AGBL4: variants seen among roughly 807,000 people sequenced by gnomAD.
AGBL4 encodes cytosolic carboxypeptidase 6.
In AGBL4, 58 loss-of-function variants were observed where a neutral mutation model predicts 66.4. The observed-to-expected ratio is 0.87, with a 90% CI of 0.71 to 1.09. The LOEUF is 1.09. Among genes scored for constraint, AGBL4 ranks in the 50% least tolerant of loss-of-function variants. The probability of loss-of-function intolerance (pLI) is 0.00; values close to 1 mark genes in which losing one functional copy is unlikely to be tolerated. For missense variants in AGBL4, 579 were observed against 631.0 expected (o/e 0.92, Z 0.88); for synonymous variants, 234 against 222.9 (o/e 1.05, Z -0.44).
intron 6 of AGBL4, among the ~76,000 whole-genome samples, chr1:48,799,276 C>G (rs1645758204): frequency 6.6e-6 from 1 of 152,058 alleles, no homozygotes; most frequent in South Asian, 2.1e-4. Context: ...GGGTTGAGTT[C>G]TTTATGTGAT....
At chr1:48,578,390 GA>G (rs568644825) in intron 11 of AGBL4, among the ~76,000 whole-genome samples, 1 of 152,084 alleles carries the variant, frequency 6.6e-6, no homozygotes, top group Non-Finnish European at 1.5e-5. Flanking sequence ...GTAGGGAGGA[GA>G]AAAAAATCAA....
intron 1 of AGBL4, among the ~76,000 whole-genome samples, chr1:49,979,722 T>A (rs1337993780): frequency 2.6e-5 from 4 of 152,180 alleles, no homozygotes; most frequent in Admixed American, 2.6e-4. Context: ...TAAAGCATAT[T>A]GCATTAAAAA....
chr1:48,888,004 C>G (rs1459416529), intron 5 of AGBL4, among the ~76,000 whole-genome samples: 1 of 152,064 alleles, frequency 6.6e-6, no homozygotes. Flanking sequence ...TAATTGGAAG[C>G]CAAAGCCAAA....
chr1:49,881,641 T>G (rs1421136262), intron 1 of AGBL4, among the ~76,000 whole-genome samples: 2 of 151,112 alleles, frequency 1.3e-5, no homozygotes, highest in Admixed American at 6.6e-5. Context: ...TGGCCAGTGA[T>G]GATGAGCATT....
chr1:48,638,308 T>G (rs1645700220), intron 8 of AGBL4, among the ~76,000 whole-genome samples: 1 of 152,252 alleles, frequency 6.6e-6, no homozygotes, highest in South Asian at 2.1e-4. Flanking sequence ...CTTACAGTTA[T>G]GTTTAAGTTC....
chr1:49,376,791 A>G (rs1265993119), intron 3 of AGBL4, among the ~76,000 whole-genome samples: 1 of 152,038 alleles, frequency 6.6e-6, no homozygotes. Context: ...CCAGATCCCT[A>G]CTTGTATTGT....
intron 4 of AGBL4, among the ~76,000 whole-genome samples, chr1:49,195,818 A>AATCTC (rs1358753945): frequency 2.0e-5 from 3 of 152,068 alleles, no homozygotes; most frequent in Non-Finnish European, 4.4e-5. Context: ...TCCCCACCCA[A>AATCTC]ATCTCATCTT....
chr1:48,884,117 G>A (rs891573304), intron 5 of AGBL4, among the ~76,000 whole-genome samples: 1 of 152,106 alleles, frequency 6.6e-6, no homozygotes, highest in Non-Finnish European at 1.5e-5. Flanking sequence ...TCTGGCTCTA[G>A]CTTTTCAGCA....
chr1:49,567,497 T>A (rs2148865410), intron 3 of AGBL4, among the ~76,000 whole-genome samples: 1 of 152,370 alleles, frequency 6.6e-6, no homozygotes, highest in Non-Finnish European at 1.5e-5. Context: ...ATCAAAATAC[T>A]GTTAAATTTT....
chr1:48,559,478 A>G (rs1253552235), intron 11 of AGBL4, among the ~76,000 whole-genome samples: 1 of 152,210 alleles, frequency 6.6e-6, no homozygotes, highest in African/African-American at 2.4e-5. Context: ...CTTTGGAATC[A>G]CAAAGATCCC....
At chr1:49,470,167 A>G (rs1177804988) in intron 3 of AGBL4, among the ~76,000 whole-genome samples, 1 of 151,982 alleles carries the variant, frequency 6.6e-6, no homozygotes, top group Non-Finnish European at 1.5e-5. Context: ...CAGATGAAAC[A>G]CTTTTCCAGA....
intron 2 of AGBL4, among the ~76,000 whole-genome samples, chr1:49,775,490 T>C (rs888148563): frequency 1.3e-5 from 2 of 152,124 alleles, no homozygotes; most frequent in Non-Finnish European, 2.9e-5. Context: ...TATCTGAGTA[T>C]GGGTATGGGG....
At chr1:49,568,527 G>T (rs1184658835) in intron 3 of AGBL4, among the ~76,000 whole-genome samples, 1 of 49,104 alleles carries the variant, frequency 2.0e-5, no homozygotes, top group African/African-American at 6.5e-5. Context: ...ACACACAAAT[G>T]CCATGCTCAT....
chr1:49,593,134 C>T (rs571245750), intron 3 of AGBL4, among the ~76,000 whole-genome samples: 40 of 152,208 alleles, frequency 2.6e-4, no homozygotes, highest in African/African-American at 8.9e-4. Flanking sequence ...CTAGGCTGGG[C>T]GCGGTGTCTC....
In AGBL4 at chr1:48,865,717, C is replaced by T. The variant is rs148097006; in HGVS notation, c.634+1474G>A. On this transcript the variant is annotated intron_variant, in intron 6 of 13. Coordinates refer to ENST00000371839, the MANE Select transcript of AGBL4 (RefSeq NM_032785.4). ...CCCCCTAAAGCAACTGAAGACAGAT[C>T]AACAACTCTCTCCAATTCATACTTA... Among the ~76,000 whole-genome samples, 18 of 152,262 alleles carry T rather than the reference C, an allele frequency of 1.2e-4. No homozygotes were observed. The East Asian group carries it at 3.5e-3, about 29-fold the overall frequency.
chr1:49,331,933 C>T (rs1224811800), intron 3 of AGBL4, among the ~76,000 whole-genome samples: 1 of 152,056 alleles, frequency 6.6e-6, no homozygotes, highest in East Asian at 1.9e-4. Context: ...GGAGTTCCGG[C>T]GGGGAGGAGG....
At chr1:48,735,692 T>C (rs1274763708) in intron 6 of AGBL4, among the ~76,000 whole-genome samples, 1 of 152,094 alleles carries the variant, frequency 6.6e-6, no homozygotes, top group African/African-American at 2.4e-5. Flanking sequence ...CTGAATCTAG[T>C]GACTACCAGC....
chr1:48,598,602 G>A (rs896687504), intron 9 of AGBL4, among the ~76,000 whole-genome samples: 7 of 152,040 alleles, frequency 4.6e-5, no homozygotes, highest in South Asian at 2.1e-4. Context: ...CATGGGGAAC[G>A]CCTGTCTCTA....
intron 3 of AGBL4, among the ~76,000 whole-genome samples, chr1:49,546,721 C>T (rs1484575223): frequency 2.6e-5 from 4 of 152,066 alleles, no homozygotes; most frequent in Admixed American, 6.5e-5. Context: ...AAGGTGGTAT[C>T]GCATTGTGGT....
Sources: gnomAD v4.1 joint callset for allele counts (sites outside exome capture counted in the v4.1 genomes callset) on GRCh38, gnomAD v4.1.1 for gene constraint, MANE v1.5 for transcripts, NCBI Gene and HGNC (gene_info 2026-07-23, HGNC 2026-07-21) for gene names.